Variants in FANK1 observed in about 807,000 individuals in gnomAD.
The protein encoded by FANK1 is fibronectin type III and ankyrin repeat domains 1.
Under a neutral mutation model 45.3 loss-of-function variants are expected in FANK1, and 44 were observed. That is an observed-to-expected ratio of 0.97 (90% confidence interval 0.76 to 1.25). FANK1 has a LOEUF of 1.25. Ranked by LOEUF, FANK1 falls within the 50% of genes most tolerant of loss-of-function variation. FANK1 has a pLI of 0.00. For synonymous variants in FANK1, 149 were observed against 152.5 expected (o/e 0.98, Z 0.17); for missense variants, 391 against 424.4 (o/e 0.92, Z 0.69).
chr10:125,996,103 G>A (rs1290050584), intron 4 of FANK1, among the ~76,000 whole-genome samples: 1 of 152,186 alleles, frequency 6.6e-6, no homozygotes, highest in Non-Finnish European at 1.5e-5. Context: ...GAGTATGTGC[G>A]TGAAGACCTC....
chr10:125,945,839 T>G (rs1397321736), intron 1 of FANK1, among the ~76,000 whole-genome samples: 1 of 152,234 alleles, frequency 6.6e-6, no homozygotes, highest in East Asian at 1.9e-4. Flanking sequence ...CTCTGCAGGC[T>G]TAAGTGTCCC....
At chr10:125,942,995 A>T (rs1948552192) in intron 1 of FANK1, among the ~76,000 whole-genome samples, 3 of 151,802 alleles carry the variant, frequency 2.0e-5, no homozygotes, top group Non-Finnish European at 1.5e-5. Context: ...TGTATTTTTA[A>T]TAGAGATGGG....
chr10:125,929,740 G>A (rs1293325829), intron 1 of FANK1, among the ~76,000 whole-genome samples: 1 of 152,118 alleles, frequency 6.6e-6, no homozygotes, highest in Non-Finnish European at 1.5e-5. Flanking sequence ...AAGGAATGAA[G>A]GGATTTATAG....
rs147258327 is a variant in FANK1 at position 125,991,554 on chromosome 10, G to T, written c.316+2879G>T. On this transcript the variant is annotated intron_variant, in intron 3 of 10. Coordinates refer to ENST00000368693, the MANE Select transcript of FANK1 (RefSeq NM_145235.5). Reference sequence around the variant, plus strand: ...GGTGCACATGATACAAAATGCTTCTGTGTGGTGGTAATTTGCATTCAGTTT... The same window carrying T: ...GGTGCACATGATACAAAATGCTTCTTTGTGGTGGTAATTTGCATTCAGTTT... 2.4e-3 allele frequency among the ~76,000 whole-genome samples: 369 copies of T among 152,314 alleles called. 1 individual carries two copies. The highest frequency in any genetic ancestry group is 8.3e-3 in the African/African-American group (345 of 41,568).
chr10:126,000,577 T>A (rs1952681911), intron 6 of FANK1, among the ~76,000 whole-genome samples: 1 of 151,972 alleles, frequency 6.6e-6, no homozygotes, highest in Non-Finnish European at 1.5e-5. Context: ...AAATTCCAGA[T>A]GAATTAAGAA....
At chr10:125,972,740 T>G (rs1194908151) in intron 1 of FANK1, 2 of 151,406 alleles carry the variant, frequency 1.3e-5, no homozygotes, top group Non-Finnish European at 2.9e-5. Flanking sequence ...CACTAACCAT[T>G]GGCATTTCTG....
chr10:126,004,161 A>T (rs1393383272), intron 6 of FANK1: 2 of 20,774 alleles, frequency 9.6e-5, no homozygotes, highest in Admixed American at 3.6e-4. Flanking sequence ...TTTTATCCTT[A>T]AAAAAAAAAA....
At chr10:125,947,982 C>G (rs563291618) in intron 1 of FANK1, among the ~76,000 whole-genome samples, 1 of 150,504 alleles carries the variant, frequency 6.6e-6, no homozygotes, top group South Asian at 2.1e-4. Context: ...ACTCAACTAC[C>G]TGGAAACTGA....
chr10:125,971,658 G>A (rs536563877), intron 1 of FANK1, among the ~76,000 whole-genome samples: 12 of 152,104 alleles, frequency 7.9e-5, no homozygotes, highest in African/African-American at 2.6e-4. Flanking sequence ...GTCTCGCTCC[G>A]TCGCCCAGGC....
intron 3 of FANK1, chr10:125,994,589 G>A (rs1226820734): frequency 4.1e-6 from 4 of 985,248 alleles, no homozygotes; most frequent in East Asian, 1.1e-4. Flanking sequence ...GGTGCTATTC[G>A]AAGTGCTTCA....
intron 6 of FANK1, among the ~76,000 whole-genome samples, chr10:126,003,817 A>G (rs1425726846): frequency 6.6e-6 from 1 of 152,078 alleles, no homozygotes; most frequent in African/African-American, 2.4e-5. Flanking sequence ...CTGGGATTAT[A>G]GGCTCTTGCC....
chr10:125,987,462 G>A (rs992914311), intron 2 of FANK1, among the ~76,000 whole-genome samples: 1 of 151,854 alleles, frequency 6.6e-6, no homozygotes, highest in African/African-American at 2.4e-5. Flanking sequence ...TATGGAGAAT[G>A]GTCCAAGGGA....
At chr10:125,923,946 G>A (rs1291859071) in intron 1 of FANK1, among the ~76,000 whole-genome samples, 3 of 152,086 alleles carry the variant, frequency 2.0e-5, no homozygotes, top group Non-Finnish European at 2.9e-5. Context: ...ATTTTATAAT[G>A]TATTTTTAAA....
intron 1 of FANK1, among the ~76,000 whole-genome samples, chr10:125,909,358 AG>A (rs1393042404): frequency 6.6e-6 from 1 of 152,134 alleles, no homozygotes; most frequent in Non-Finnish European, 1.5e-5. Context: ...CTGTTTTCAA[AG>A]AAACAGCTTT....
intron 1 of FANK1, among the ~76,000 whole-genome samples, chr10:125,913,734 G>A (rs1478830425): frequency 1.3e-5 from 2 of 152,188 alleles, no homozygotes; most frequent in African/African-American, 4.8e-5. Context: ...GCAAGTTGTA[G>A]CAGCCCTGAG....
At chr10:125,936,328 AC>A (rs1474580554) in intron 1 of FANK1, among the ~76,000 whole-genome samples, 1 of 151,734 alleles carries the variant, frequency 6.6e-6, no homozygotes, top group Non-Finnish European at 1.5e-5. Flanking sequence ...TTTAAACATA[AC>A]TTTTTATAGA....
intron 1 of FANK1, among the ~76,000 whole-genome samples, chr10:125,950,523 T>A (rs957152929): frequency 6.6e-6 from 1 of 152,052 alleles, no homozygotes; most frequent in Non-Finnish European, 1.5e-5. Flanking sequence ...AAAATGCTCA[T>A]CATCACTGGC....
intron 1 of FANK1, among the ~76,000 whole-genome samples, chr10:125,928,261 CTTT>C (rs34889746): frequency 2.2e-5 from 3 of 137,696 alleles, no homozygotes; most frequent in Admixed American, 7.3e-5. Context: ...TTATTCGTGC[CTTT>C]TTTTTTTTTT....
intron 6 of FANK1, among the ~76,000 whole-genome samples, chr10:126,000,448 G>C (rs1952671310): frequency 6.6e-6 from 1 of 152,130 alleles, no homozygotes; most frequent in Non-Finnish European, 1.5e-5. Flanking sequence ...CCCTATCTAC[G>C]TAAGAACCTG....
Sources: gnomAD v4.1 joint callset for allele counts (sites outside exome capture counted in the v4.1 genomes callset) on GRCh38, gnomAD v4.1.1 for gene constraint, MANE v1.5 for transcripts, NCBI Gene and HGNC (gene_info 2026-07-23, HGNC 2026-07-21) for gene names.